The following SLC39A8 variants were observed in gnomAD, a reference collection of about 807,000 sequenced individuals.
The protein encoded by SLC39A8 is solute carrier family 39 member 8.
Under a neutral mutation model 40.4 loss-of-function variants are expected in SLC39A8, and 15 were observed. The ratio of observed to expected loss-of-function variants is 0.37; its 90% CI spans 0.25 to 0.57. SLC39A8 has a LOEUF of 0.57. SLC39A8 is among the 20% of genes least tolerant of loss of function. The pLI, the probability that SLC39A8 is intolerant of heterozygous loss-of-function variation, is 0.75. For synonymous variants in SLC39A8, 223 were observed against 221.6 expected (o/e 1.01, Z -0.06); for missense variants, 472 against 558.8 (o/e 0.84, Z 1.57).
In SLC39A8 at chr4:102,267,385, C is replaced by T. The variant is rs1732148436; in HGVS notation, c.1233+105G>A. On this transcript the variant is annotated intron_variant, in intron 8 of 8. Transcript: ENST00000356736. ...TTGTTCTGAATTACAACAGAAAGGC[C>T]TTCCACACTGCGGAAAGCAGAAGGC... is the stretch of plus-strand genomic sequence containing the variant. 2.9e-6 allele frequency: 3 copies of T among 1,026,480 alleles called. 1 individual carries two copies. The South Asian group carries it at 5.5e-5, about 19-fold the overall frequency. The allele number at this position is 1,026,480 out of a possible 1,614,324, so 63.6% of individuals were successfully genotyped here. A position where few individuals can be genotyped will look rare whatever the true frequency, so the allele number is the denominator to read the frequency against.
rs1731884265 is a variant in SLC39A8, at chr4:102,262,018, A to C, written c.*1026T>G. On this transcript the variant is annotated 3_prime_UTR_variant, in exon 9 of 9. Transcript: ENST00000356736. ...TTTTTCAAGGTATACCATATGGAAAAGTATAGGCTGAACACAAAGGAAGTC... is the reference window on the plus strand; with the variant it reads ...TTTTTCAAGGTATACCATATGGAAACGTATAGGCTGAACACAAAGGAAGTC... 3 of 985,844 alleles carry C rather than the reference A, an allele frequency of 3.0e-6. No homozygotes were observed. In the Admixed American group the frequency reaches 1.8e-4, roughly 61 times the overall value. 61.1% of individuals were successfully genotyped at this position (985,844 alleles called of 1,614,324 possible). A position where few individuals can be genotyped will look rare whatever the true frequency, so the allele number is the denominator to read the frequency against.
At chr4:102,273,194 G>C (rs1396763947) in intron 6 of SLC39A8, among the ~76,000 whole-genome samples, 1 of 152,214 alleles carries the variant, frequency 6.6e-6, no homozygotes, top group Non-Finnish European at 1.5e-5. Context: ...AAGACCCACT[G>C]GCTTGAAATT....
intron 6 of SLC39A8, among the ~76,000 whole-genome samples, chr4:102,283,824 T>C (rs1733021862): frequency 6.6e-6 from 1 of 152,224 alleles, no homozygotes; most frequent in African/African-American, 2.4e-5. Context: ...TCCAATGTCA[T>C]TTTATACAAG....
chr4:102,335,920 T>C (rs1735647363), intron 2 of SLC39A8, among the ~76,000 whole-genome samples: 1 of 152,182 alleles, frequency 6.6e-6, no homozygotes, highest in African/African-American at 2.4e-5. Context: ...CTTCTTTTAG[T>C]TGACAGACGC....
At position 102,344,558 on chromosome 4, in the gene SLC39A8, G is replaced by T. The variant is rs1736081221; in HGVS notation, c.105C>A (p.Ser35Arg). ...PGLAFSEDVL[S>R]VFGANLSLSA... ...ACAGGCTCAGATTCGCGCCGAACAC[G>T]CTCAGCACATCCTCGCTGAAGGCTA... The change falls in exon 2 of 9, where the codon AGC (serine) becomes AGA (arginine). Residue 35 changes from serine to arginine, a missense_variant. Around this residue, in one of 4 missense-constraint regions of SLC39A8, gnomAD observed 175 missense variants for 160.5 expected, o/e 1.09. Coordinates refer to ENST00000356736, the MANE Select transcript of SLC39A8 (RefSeq NM_001135146.2). The T allele has an allele frequency of 1.3e-6, 2 of 1,553,702 alleles. No homozygotes were observed. The highest frequency in any genetic ancestry group is 1.7e-6 in the Non-Finnish European group (2 of 1,148,766).
chr4:102,294,217 G>C (rs1300779312), intron 6 of SLC39A8, among the ~76,000 whole-genome samples: 1 of 151,984 alleles, frequency 6.6e-6, no homozygotes, highest in Non-Finnish European at 1.5e-5. Context: ...TCCTACAAAT[G>C]ACAGACTCTT....
chr4:102,344,786 G>A lies in SLC39A8; in HGVS notation c.-124C>T. Reference sequence around the variant, plus strand: ...TGCTCGGCGCTGCTCCGAGTCAGAGGTGGCGCGGGACGCCCCTGGTTCTCC... The same window carrying A: ...TGCTCGGCGCTGCTCCGAGTCAGAGATGGCGCGGGACGCCCCTGGTTCTCC... On this transcript the variant is annotated 5_prime_UTR_variant, in exon 2 of 9. Transcript: ENST00000356736. The A allele has an allele frequency of 7.6e-7, 1 of 1,321,042 alleles. No individual in the cohort carries two copies. Among genetic ancestry groups the A allele is most frequent in the Non-Finnish European group, 9.6e-7 (1 of 1,040,010 alleles). 81.8% of individuals were successfully genotyped at this position (1,321,042 alleles called of 1,614,324 possible). A position where few individuals can be genotyped will look rare whatever the true frequency, so the allele number is the denominator to read the frequency against.
At chr4:102,317,213 T>A (rs1734701595) in intron 2 of SLC39A8, among the ~76,000 whole-genome samples, 1 of 152,150 alleles carries the variant, frequency 6.6e-6, no homozygotes, top group Non-Finnish European at 1.5e-5. Flanking sequence ...TAAAATGTCA[T>A]ATTTTGTTAC....
At position 102,252,698 on chromosome 4, in the gene SLC39A8, C is replaced by T. The variant is rs1246131214; in HGVS notation, c.*1031G>A. 5.3e-5 allele frequency: 8 copies of T among 152,282 alleles called. No homozygotes were observed. The East Asian group carries it at 1.5e-3, about 29-fold the overall frequency. The allele number at this position is 152,282 out of a possible 1,614,324, so 9.4% of individuals were successfully genotyped here. Reference sequence around the variant, plus strand: ...CTTTCCACTTTCTGCTGTGCTTCTTCAGCACATCACCTTCATCCCCATGCT... The same window carrying T: ...CTTTCCACTTTCTGCTGTGCTTCTTTAGCACATCACCTTCATCCCCATGCT... On this transcript the variant is annotated 3_prime_UTR_variant and NMD_transcript_variant, in exon 12 of 12. Coordinates refer to the SLC39A8 transcript ENST00000424970.
At chr4:102,329,890 A>G (rs991060370) in intron 2 of SLC39A8, among the ~76,000 whole-genome samples, 1 of 152,160 alleles carries the variant, frequency 6.6e-6, no homozygotes, top group Non-Finnish European at 1.5e-5. Flanking sequence ...TCAAAACCAC[A>G]CAACTACATG....
intron 8 of SLC39A8, among the ~76,000 whole-genome samples, chr4:102,266,002 C>T (rs541549131): frequency 5.4e-4 from 83 of 152,310 alleles, no homozygotes; most frequent in African/African-American, 1.9e-3. Flanking sequence ...TGCTAAAACA[C>T]TTTTGCTAGC....
intron 2 of SLC39A8, among the ~76,000 whole-genome samples, chr4:102,335,905 G>T (rs931049724): frequency 6.6e-6 from 1 of 151,996 alleles, no homozygotes; most frequent in African/African-American, 2.4e-5. Flanking sequence ...TCATGGCTGT[G>T]CTTTCTTCTT....
chr4:102,254,474 G>A (rs1215792255), intron 11 of SLC39A8, among the ~76,000 whole-genome samples: 1 of 152,104 alleles, frequency 6.6e-6, no homozygotes, highest in Non-Finnish European at 1.5e-5. Context: ...GGCAAAGTTT[G>A]AACAATTAAT....
chr4:102,288,309 C>T (rs1446847527), intron 6 of SLC39A8, among the ~76,000 whole-genome samples: 2 of 151,964 alleles, frequency 1.3e-5, no homozygotes, highest in Admixed American at 6.6e-5. Flanking sequence ...GACTGTGCCC[C>T]CATAAGATGG....
rs757798247 is a variant in SLC39A8 at position 102,304,321 on chromosome 4, A to G, written c.836T>C (p.Leu279Pro). Residue 279 changes from leucine (L) to proline (P), a missense_variant, in exon 6 of 9, where the codon CTA (leucine) becomes CCA (proline). Leu to Pro is a moderately conservative substitution (Grantham distance 98). This residue lies in a region of SLC39A8 where 239 missense variants were observed against 317.9 expected (regional missense o/e 0.75). Transcript: ENST00000356736. ...IHFDNVSVVS[L>P]QDGKKEPSSC... Reference sequence around the variant, plus strand: ...AAAAATGGAATTAACATATACCTGTAGAGATACCACACTGACATTATCAAA... The same window carrying G: ...AAAAATGGAATTAACATATACCTGTGGAGATACCACACTGACATTATCAAA... 7 of 1,607,846 alleles carry G rather than the reference A, an allele frequency of 4.4e-6. No individual in the cohort carries two copies. In the South Asian group the frequency reaches 7.7e-5, roughly 18 times the overall value.
downstream of SLC39A8, among the ~76,000 whole-genome samples, chr4:102,258,954 T>C (rs1054982679): frequency 9.2e-5 from 14 of 152,192 alleles, no homozygotes; most frequent in Admixed American, 4.6e-4. Flanking sequence ...CACTAGACCA[T>C]GGGAATATTC....
At chr4:102,293,401 G>A (rs907954430) in intron 6 of SLC39A8, among the ~76,000 whole-genome samples, 1 of 152,012 alleles carries the variant, frequency 6.6e-6, no homozygotes, top group East Asian at 1.9e-4. Context: ...AATAAAACAA[G>A]AGAAATAAGA....
intron 2 of SLC39A8, among the ~76,000 whole-genome samples, chr4:102,336,965 T>A (rs762999031): frequency 7.2e-5 from 11 of 152,140 alleles, no homozygotes; most frequent in Non-Finnish European, 1.5e-4. Context: ...AGTAACATTC[T>A]TTTTTTAAAA....
At chr4:102,321,075 C>T (rs947899398) in intron 2 of SLC39A8, among the ~76,000 whole-genome samples, 1 of 151,684 alleles carries the variant, frequency 6.6e-6, no homozygotes, top group African/African-American at 2.4e-5. Flanking sequence ...GGAAATAGTA[C>T]AAAGATAAAT....
Sources: gnomAD v4.1 joint callset for allele counts (sites outside exome capture counted in the v4.1 genomes callset) on GRCh38, gnomAD v4.1.1 for gene constraint, gnomAD v4.1.1 regional missense constraint, MANE v1.5 for transcripts, NCBI Gene and HGNC (gene_info 2026-07-23, HGNC 2026-07-21) for gene names.